The following DNAH6 variants were observed in gnomAD, a reference collection of about 807,000 sequenced individuals.
DNAH6 encodes the protein axonemal beta dynein heavy chain 6.
In DNAH6, 340 loss-of-function variants were observed where a neutral mutation model predicts 491.4. The ratio of observed to expected loss-of-function variants is 0.69; its 90% CI spans 0.63 to 0.76. The LOEUF is 0.76. Among genes scored for constraint, DNAH6 ranks in the 30% least tolerant of loss-of-function variants. DNAH6 has a pLI of 0.00. For synonymous variants in DNAH6, 1,603 were observed against 1,686.1 expected, an observed-to-expected ratio of 0.95 and a Z score of 1.21; for missense variants, 4,443 against 4,972.2, an observed-to-expected ratio of 0.89 and a Z score of 3.20.
intron 19 of DNAH6, among the ~76,000 whole-genome samples, chr2:84,605,246 G>A (rs554877879): frequency 1.3e-5 from 2 of 151,718 alleles, no homozygotes; most frequent in African/African-American, 2.4e-5. Context: ...CCAGCTACTC[G>A]GGAGGCTGAG....
intron 67 of DNAH6, among the ~76,000 whole-genome samples, chr2:84,786,109 T>A (rs867346764): frequency 5.7e-5 from 8 of 139,718 alleles, no homozygotes; most frequent in Admixed American, 2.7e-4. Flanking sequence ...AAAGAATGAA[T>A]GAATGAATGA....
At chr2:84,638,548 C>A (rs188011673) in intron 31 of DNAH6, among the ~76,000 whole-genome samples, 2 of 152,226 alleles carry the variant, frequency 1.3e-5, no homozygotes, top group African/African-American at 4.8e-5. Flanking sequence ...AAGCACAGAT[C>A]ACTCCTTTGG....
intron 64 of DNAH6, chr2:84,777,299 G>T: frequency 3.7e-6 from 1 of 273,546 alleles, no homozygotes; most frequent in Non-Finnish European, 7.5e-6. Context: ...AAGTGTAAAT[G>T]CACTCTTCTT....
intron 4 of DNAH6, among the ~76,000 whole-genome samples, chr2:84,542,509 T>C (rs1482778280): frequency 1.3e-5 from 2 of 152,084 alleles, no homozygotes; most frequent in African/African-American, 2.4e-5. Context: ...GCCGAGCAGG[T>C]TGAAGCTTTT....
intron 63 of DNAH6, among the ~76,000 whole-genome samples, chr2:84,757,673 T>C (rs1225239176): frequency 1.3e-5 from 2 of 152,332 alleles, no homozygotes; most frequent in East Asian, 3.9e-4. Context: ...TAATACACTA[T>C]TGTAAACAGC....
chr2:84,624,862 G>A (rs961346109), intron 28 of DNAH6, 40 bp from the exon 29 acceptor site: 1 of 1,501,272 alleles, frequency 6.7e-7, no homozygotes, highest in African/African-American at 1.4e-5. Context: ...TGTGGCCAGA[G>A]TTGGTTCCCT....
intron 18 of DNAH6, among the ~76,000 whole-genome samples, chr2:84,596,107 G>A (rs909029306): frequency 6.6e-6 from 1 of 152,082 alleles, no homozygotes; most frequent in African/African-American, 2.4e-5. Flanking sequence ...GATGAGGCTG[G>A]GGTAGACTTG....
chr2:84,571,631 C>T (rs950933081), intron 11 of DNAH6, among the ~76,000 whole-genome samples: 1 of 151,826 alleles, frequency 6.6e-6, no homozygotes, highest in Non-Finnish European at 1.5e-5. Flanking sequence ...TAAAGAAAAC[C>T]ATCCAGGCGC....
In DNAH6 at chr2:84,784,813, A is replaced by T; in HGVS notation, c.10953+3A>T. Reference sequence around the variant, plus strand: ...CAGTTCTTCAAAATTCTGTCAAGGTAATGTATGCATATGGTTGGAACAATG... The same window carrying T: ...CAGTTCTTCAAAATTCTGTCAAGGTTATGTATGCATATGGTTGGAACAATG... On this transcript the variant is annotated splice_donor_region_variant and intron_variant, in intron 66 of 76. Transcript: ENST00000389394. 1 of 1,529,090 alleles carries T rather than the reference A, an allele frequency of 6.5e-7. No individual in the cohort carries two copies. The highest frequency in any genetic ancestry group is 1.2e-5 in the South Asian group (1 of 83,520). The allele number at this position is 1,529,090 out of a possible 1,614,324, so 94.7% of individuals were successfully genotyped here.
intron 3 of DNAH6, 80 bp from the exon 4 acceptor site, chr2:84,528,824 C>A: frequency 1.5e-6 from 2 of 1,345,632 alleles, no homozygotes; most frequent in South Asian, 1.5e-5. Flanking sequence ...GCAATTAGTC[C>A]TTGAAGGTAA....
rs1685566808 is a variant in DNAH6 at position 84,604,498 on chromosome 2, G to A, written c.3028G>A (p.Asp1010Asn). The A allele has an allele frequency of 2.6e-6, 4 of 1,551,604 alleles. No homozygotes were observed. The highest frequency in any genetic ancestry group is 1.4e-5 in the African/African-American group (1 of 73,052). ...HVFDFGQEIQ[D>N]ISGQASGEAA... ...TTTTGACTTTGGTCAAGAAATCCAG[G>A]ACATATCTGGACAGGCTTCTGGAGA... The change falls in exon 19 of 77, where the codon GAC becomes AAC. Residue 1010 changes from aspartate to asparagine, a missense_variant. Transcript: ENST00000389394.
upstream of DNAH6, among the ~76,000 whole-genome samples, chr2:84,513,534 C>T (rs569010207): frequency 6.6e-6 from 1 of 152,126 alleles, no homozygotes; most frequent in Non-Finnish European, 1.5e-5. Context: ...TTGTCATTAT[C>T]CTTGAACATT....
intron 8 of DNAH6, 90 bp from the exon 9 acceptor site, chr2:84,549,799 T>TAA: frequency 1.2e-6 from 1 of 864,320 alleles, no homozygotes; most frequent in Non-Finnish European, 1.7e-6. Context: ...TATGATATTT[T>TAA]ACATTTTAAA....
At chr2:84,499,414 A>G in the DNAH6 span, among the ~76,000 whole-genome samples, 1 of 152,216 alleles carries the variant, frequency 6.6e-6, no homozygotes, top group African/African-American at 2.4e-5. Flanking sequence ...TTGTGTATGC[A>G]TACCACATTT....
chr2:84,667,541 C>T (rs950043869), intron 37 of DNAH6, among the ~76,000 whole-genome samples: 3 of 151,994 alleles, frequency 2.0e-5, no homozygotes, highest in African/African-American at 7.3e-5. Context: ...CAAATCAAAA[C>T]CACAATGAGA....
At chr2:84,593,047 A>T (rs1684255866) in intron 16 of DNAH6, among the ~76,000 whole-genome samples, 2 of 152,238 alleles carry the variant, frequency 1.3e-5, no homozygotes, top group African/African-American at 4.8e-5. Context: ...GCATTACTGT[A>T]CTTTACACTT....
intron 64 of DNAH6, among the ~76,000 whole-genome samples, chr2:84,764,870 G>A (rs1413183137): frequency 6.6e-6 from 1 of 151,980 alleles, no homozygotes; most frequent in Non-Finnish European, 1.5e-5. Context: ...TTGCTACTGT[G>A]AATAGTGTCA....
At chr2:84,775,581 A>C (rs1280507683) in intron 64 of DNAH6, among the ~76,000 whole-genome samples, 1 of 152,114 alleles carries the variant, frequency 6.6e-6, no homozygotes, top group Admixed American at 6.5e-5. Flanking sequence ...TTTCAGTAGG[A>C]TTGGTACCAG....
At chr2:84,616,029 T>C (rs1686823532) in intron 22 of DNAH6, among the ~76,000 whole-genome samples, 3 of 152,102 alleles carry the variant, frequency 2.0e-5, no homozygotes, top group African/African-American at 7.2e-5. Context: ...TCCAATTTTA[T>C]TCCACTGTGG....
Sources: allele counts gnomAD v4.1 joint callset (sites outside exome capture counted in the v4.1 genomes callset), GRCh38; gene constraint gnomAD v4.1.1; transcripts MANE v1.5; gene names NCBI Gene and HGNC (gene_info 2026-07-23, HGNC 2026-07-21).